The following HCRTR2 variants were observed in gnomAD, a reference collection of about 807,000 sequenced individuals.
The protein encoded by HCRTR2 is orexin receptor type 2.
A neutral mutation model predicts 49.0 loss-of-function variants in HCRTR2; 22 were observed. That is an observed-to-expected ratio of 0.45 (90% CI 0.32 to 0.64). HCRTR2 has a LOEUF of 0.64. HCRTR2 is among the 30% of genes least tolerant of loss of function. HCRTR2 has a pLI of 0.04. For synonymous variants in HCRTR2, 236 were observed against 205.3 expected, an observed-to-expected ratio of 1.15 and a Z score of -1.28; for missense variants, 491 against 559.4, an observed-to-expected ratio of 0.88 and a Z score of 1.23.
At chr6:55,208,505 A>T (rs1013842980) in intron 1 of HCRTR2, among the ~76,000 whole-genome samples, 1 of 138,716 alleles carries the variant, frequency 7.2e-6, no homozygotes, top group African/African-American at 2.7e-5. Context: ...AAATAAAAAT[A>T]AAAAAAAAAA....
intron 1 of HCRTR2, among the ~76,000 whole-genome samples, chr6:55,195,736 T>A (rs1427638081): frequency 6.6e-6 from 1 of 151,640 alleles, no homozygotes. Context: ...CTTTGGGAGG[T>A]CGAGGTGGGC....
At chr6:55,153,109 A>G (rs1233139875) in intron 1 of HCRTR2, among the ~76,000 whole-genome samples, 1 of 151,968 alleles carries the variant, frequency 6.6e-6, no homozygotes, top group Non-Finnish European at 1.5e-5. Context: ...TTTTTTGCAT[A>G]TGGATATCCA....
chr6:55,267,046 C>T (rs1766872910), intron 4 of HCRTR2, among the ~76,000 whole-genome samples: 1 of 152,050 alleles, frequency 6.6e-6, no homozygotes, highest in Non-Finnish European at 1.5e-5. Flanking sequence ...TGGAAAATAC[C>T]AAGTTCAGCT....
chr6:55,192,409 GCGCGCA>G (rs59788074), intron 1 of HCRTR2, among the ~76,000 whole-genome samples: 3,188 of 114,010 alleles, frequency 0.028, 97 homozygotes, highest in African/African-American at 0.099. Context: ...ACACGCGCGC[GCGCGCA>G]CACACACACA....
At chr6:55,267,411 T>TG (rs1766881326) in intron 4 of HCRTR2, among the ~76,000 whole-genome samples, 1 of 151,634 alleles carries the variant, frequency 6.6e-6, no homozygotes, top group African/African-American at 2.4e-5. Flanking sequence ...TCTGTTTTTT[T>TG]TTTTTTTTTT....
chr6:55,221,487 C>T (rs1262372718), intron 1 of HCRTR2, among the ~76,000 whole-genome samples: 1 of 152,216 alleles, frequency 6.6e-6, no homozygotes, highest in East Asian at 1.9e-4. Context: ...AAATTAGACC[C>T]TACTCAAAAA....
intron 1 of HCRTR2, among the ~76,000 whole-genome samples, chr6:55,208,467 G>A (rs1454773984): frequency 6.6e-6 from 1 of 151,686 alleles, no homozygotes; most frequent in East Asian, 1.9e-4. Flanking sequence ...ACTCCAGTCT[G>A]GGTGACAGAG....
intron 1 of HCRTR2, among the ~76,000 whole-genome samples, chr6:55,143,472 G>C (rs913202499): frequency 6.6e-6 from 1 of 152,144 alleles, no homozygotes; most frequent in Non-Finnish European, 1.5e-5. Flanking sequence ...TTCTAAAAGA[G>C]GATTTGCCTA....
chr6:55,209,549 G>C (rs1453283056), intron 1 of HCRTR2, among the ~76,000 whole-genome samples: 3 of 152,144 alleles, frequency 2.0e-5, no homozygotes, highest in African/African-American at 7.2e-5. Flanking sequence ...GAAGAAAGGA[G>C]AGACTCGTGG....
At chr6:55,141,506 T>C (rs907027347) in intron 1 of HCRTR2, among the ~76,000 whole-genome samples, 8 of 152,224 alleles carry the variant, frequency 5.3e-5, no homozygotes, top group African/African-American at 1.9e-4. Context: ...CTGTCTCTTA[T>C]GTCAAACTGT....
chr6:55,190,695 A>G lies in HCRTR2; in HGVS notation c.223+15885A>G, dbSNP rs137964930. ...GATTATTTTGCTCTTGATTTCTCCTATGTAAATCATCACAGCTACATTTTT... is the reference window on the plus strand; with the variant it reads ...GATTATTTTGCTCTTGATTTCTCCTGTGTAAATCATCACAGCTACATTTTT... On this transcript the variant is annotated intron_variant, in intron 1 of 6. Coordinates refer to ENST00000370862, the MANE Select transcript of HCRTR2 (RefSeq NM_001384272.1). Among the ~76,000 whole-genome samples the G allele has an allele frequency of 4.5e-3, 688 of 152,320 alleles. 1 individual carries two copies. Among genetic ancestry groups the G allele is most frequent in the African/African-American group, 0.015 (629 of 41,572 alleles).
rs75924257 is a variant in HCRTR2, at chr6:55,174,789, G to T, written c.202G>T (p.Ala68Ser). ...CGGGTACATCATCGTGTTCGTCGTG[G>T]CTCTCATTGGGAACGTCCTGGGTGA... is the stretch of plus-strand genomic sequence containing the variant. Reference protein sequence around the residue: ...IAGYIIVFVVALIGNVLVCVA... With the variant: ...IAGYIIVFVVSLIGNVLVCVA... Residue 68 changes from alanine to serine, a missense_variant, in exon 1 of 7, where the codon GCT becomes TCT. Ala to Ser is a moderately conservative substitution (Grantham distance 99). Transcript: ENST00000370862. The T allele has an allele frequency of 3.1e-6, 5 of 1,613,874 alleles. No homozygotes were observed. The Admixed American group carries it at 6.7e-5, about 22-fold the overall frequency.
At chr6:55,138,422 A>G (rs927719122) in intron 1 of HCRTR2, among the ~76,000 whole-genome samples, 1 of 152,266 alleles carries the variant, frequency 6.6e-6, no homozygotes, top group African/African-American at 2.4e-5. Flanking sequence ...TTGGTCAAAT[A>G]AATGAAGACA....
At chr6:55,246,982 A>T (rs896907006) in intron 1 of HCRTR2, among the ~76,000 whole-genome samples, 1 of 152,026 alleles carries the variant, frequency 6.6e-6, no homozygotes, top group African/African-American at 2.4e-5. Context: ...GATTAGAAAT[A>T]ATTGCATGTT....
intron 1 of HCRTR2, among the ~76,000 whole-genome samples, chr6:55,118,552 G>T (rs1029313115): frequency 1.3e-5 from 2 of 151,632 alleles, no homozygotes; most frequent in Non-Finnish European, 2.9e-5. Context: ...CCACAACCGT[G>T]CCAGCATCTG....
At chr6:55,176,320 CT>C (rs1437677066) in intron 1 of HCRTR2, among the ~76,000 whole-genome samples, 2 of 152,104 alleles carry the variant, frequency 1.3e-5, no homozygotes, top group Non-Finnish European at 2.9e-5. Flanking sequence ...TAAAGGAAAT[CT>C]TTTTGGGATA....
At chr6:55,141,053 G>A (rs1360757958) in intron 1 of HCRTR2, among the ~76,000 whole-genome samples, 1 of 152,082 alleles carries the variant, frequency 6.6e-6, no homozygotes, top group South Asian at 2.1e-4. Flanking sequence ...ATGTGTTAGA[G>A]GCCGGGTGCG....
At chr6:55,155,697 A>G (rs370985709) in intron 1 of HCRTR2, among the ~76,000 whole-genome samples, 1 of 152,056 alleles carries the variant, frequency 6.6e-6, no homozygotes, top group Admixed American at 6.5e-5. Flanking sequence ...TCATTCAAAC[A>G]TTATAGAAAA....
intron 1 of HCRTR2, among the ~76,000 whole-genome samples, chr6:55,177,061 A>T (rs1165767993): frequency 6.6e-6 from 1 of 152,132 alleles, no homozygotes; most frequent in Admixed American, 6.6e-5. Flanking sequence ...TAGTTTAGGG[A>T]TACATGTTTG....
Sources: gnomAD v4.1 joint callset for allele counts (sites outside exome capture counted in the v4.1 genomes callset) on GRCh38, gnomAD v4.1.1 for gene constraint, MANE v1.5 for transcripts, NCBI Gene and HGNC (gene_info 2026-07-23, HGNC 2026-07-21) for gene names.